KNTC1: variants seen among roughly 807,000 people sequenced by gnomAD.
KNTC1 encodes the protein kinetochore associated 1.
A neutral mutation model predicts 314.4 loss-of-function variants in KNTC1; 253 were observed. The ratio of observed to expected loss-of-function variants is 0.80; its 90% confidence interval spans 0.73 to 0.89. KNTC1 has a LOEUF of 0.89. KNTC1 is among the 40% of genes least tolerant of loss of function. The pLI, the probability that KNTC1 is intolerant of heterozygous loss-of-function variation, is 0.00. For synonymous variants in KNTC1, 901 were observed against 901.4 expected (o/e 1.00, Z 0.01); for missense variants, 2,475 against 2,572.9 (o/e 0.96, Z 0.82).
At chr12:122,584,763 G>C in intron 35 of KNTC1, 130 bp from the exon 36 acceptor site, 1 of 591,348 alleles carries the variant, frequency 1.7e-6, no homozygotes, top group Middle Eastern at 4.5e-4. Flanking sequence ...GGTAGTCAAA[G>C]CTATATGGAA....
chr12:122,562,034 C>T (rs1022324926), intron 19 of KNTC1, 60 bp downstream of exon 19: 8 of 1,507,588 alleles, frequency 5.3e-6, no homozygotes, highest in Non-Finnish European at 7.2e-6. Flanking sequence ...AATATGTTTT[C>T]CATTCAAAAT....
In KNTC1 at chr12:122,555,377, C is replaced by T. The variant is rs116759448; in HGVS notation, c.1273-2007C>T. On this transcript the variant is annotated intron_variant, in intron 16 of 63. Transcript: ENST00000333479. The stretch of plus-strand genomic sequence containing the variant: ...GACCAGCCTGGCCCACATAGCAAAA[C>T]GCTGTCTGTACTAAAAATACAAATA... Among the ~76,000 whole-genome samples the T allele has an allele frequency of 7.6e-3, 1,159 of 152,168 alleles. 10 individuals carry two copies. The highest frequency in any genetic ancestry group is 0.021 in the Middle Eastern group (6 of 292).
Position 122,584,265 on chromosome 12 carries a change from C to G in KNTC1, c.3264-13C>G. On this transcript the variant is annotated splice_polypyrimidine_tract_variant and intron_variant, in intron 34 of 63. Coordinates refer to ENST00000333479, the MANE Select transcript of KNTC1 (RefSeq NM_014708.6). ...TGAGTATTCTAACTACCAATACTTTCTTTCTTCCAAAGCGACTTGTTTAAG... is the reference window on the plus strand; with the variant it reads ...TGAGTATTCTAACTACCAATACTTTGTTTCTTCCAAAGCGACTTGTTTAAG... 1 of 1,593,936 alleles carries G rather than the reference C, an allele frequency of 6.3e-7. No homozygotes were observed. Among genetic ancestry groups the G allele is most frequent in the South Asian group, 1.1e-5 (1 of 88,806 alleles).
chr12:122,579,859 C>G (rs1303290348), intron 31 of KNTC1, 46 bp from the exon 32 acceptor site: 1 of 1,332,972 alleles, frequency 7.5e-7, no homozygotes, highest in Non-Finnish European at 1.1e-6. Context: ...CTGAAGTGGT[C>G]AGAAAAGGAA....
At chr12:122,597,607 G>C (rs1027665288) in intron 43 of KNTC1, 124 bp from the exon 44 acceptor site, 1 of 773,742 alleles carries the variant, frequency 1.3e-6, no homozygotes, top group East Asian at 2.6e-5. Context: ...GTCTGATTTT[G>C]AGACTGGACA....
intron 16 of KNTC1, among the ~76,000 whole-genome samples, chr12:122,554,094 T>C (rs1281406748): frequency 6.9e-6 from 1 of 144,744 alleles, no homozygotes; most frequent in East Asian, 2.0e-4. Context: ...TATATATATA[T>C]ATATATTTGT....
At chr12:122,625,713 T>G (rs748089215) in intron 63 of KNTC1, among the ~76,000 whole-genome samples, 20 of 152,190 alleles carry the variant, frequency 1.3e-4, no homozygotes, top group Admixed American at 9.2e-4. Context: ...TGCTGTACAT[T>G]CTTCCAAATT....
intron 31 of KNTC1, among the ~76,000 whole-genome samples, chr12:122,578,849 G>A (rs1313666622): frequency 6.6e-6 from 1 of 151,980 alleles, no homozygotes; most frequent in Non-Finnish European, 1.5e-5. Flanking sequence ...CTATGCAATA[G>A]GCATTAGGTT....
intron 55 of KNTC1, 116 bp downstream of exon 55, chr12:122,613,877 GT>G: frequency 9.0e-7 from 1 of 1,109,578 alleles, no homozygotes; most frequent in Non-Finnish European, 1.2e-6. Context: ...GTTTTGCTCT[GT>G]TGCCCAGGCT....
At chr12:122,565,404 G>A (rs1964263855) in intron 20 of KNTC1, among the ~76,000 whole-genome samples, 1 of 151,886 alleles carries the variant, frequency 6.6e-6, no homozygotes, top group African/African-American at 2.4e-5. Context: ...ACTGGCATGA[G>A]CCACCACGCC....
intron 20 of KNTC1, among the ~76,000 whole-genome samples, chr12:122,562,979 A>T (rs1964079357): frequency 6.6e-6 from 1 of 151,836 alleles, no homozygotes; most frequent in Non-Finnish European, 1.5e-5. Flanking sequence ...ACTGCACCCC[A>T]GCCTGGGCGA....
At chr12:122,625,584 C>CA (rs1170615242) in intron 63 of KNTC1, among the ~76,000 whole-genome samples, 3 of 121,386 alleles carry the variant, frequency 2.5e-5, no homozygotes, top group African/African-American at 9.0e-5. Flanking sequence ...CAAAACAAAA[C>CA]AAAACAAAAA....
chr12:122,583,850 C>T (rs768655769), intron 34 of KNTC1, among the ~76,000 whole-genome samples: 26 of 151,596 alleles, frequency 1.7e-4, no homozygotes, highest in Non-Finnish European at 2.9e-4. Context: ...AGGCTGGGCA[C>T]GGTGACTCAC....
intron 48 of KNTC1, 136 bp from the exon 49 acceptor site, chr12:122,604,428 T>A: frequency 4.5e-6 from 2 of 445,202 alleles, no homozygotes; most frequent in Non-Finnish European, 7.8e-6. Flanking sequence ...ATTACAAATA[T>A]GAGCCACTGT....
chr12:122,575,894 A>G lies in KNTC1; in HGVS notation c.2581A>G (p.Ile861Val). The G allele has an allele frequency of 6.2e-7, 1 of 1,610,788 alleles. No individual in the cohort carries two copies. The highest frequency in any genetic ancestry group is 1.7e-4 in the Middle Eastern group (1 of 6,052). ...AGAGGTAAATCTCTTAAACAAGGAA[A>G]TAATGGTAAGTACACTCTTCGAAGA... is the stretch of plus-strand genomic sequence containing the variant. ...IREVNLLNKE[I>V]MRVVRYILKQ... The change falls in exon 29 of 64, where the codon ATA becomes GTA. Residue 861 changes from isoleucine to valine, a missense_variant. Transcript: ENST00000333479.
chr12:122,575,555 G>A lies in KNTC1; in HGVS notation c.2395G>A (p.Ala799Thr). ...GCATCTTTTGTAGCTCATATTTGAT[G>A]CCGTGCTCAAGATCATGTATGCGGC... ...CLSDTDLIFD[A>T]VLKIMYAAVV... Residue 799 changes from alanine to threonine, a missense_variant, in exon 28 of 64, where the codon GCC becomes ACC. Physicochemically the swap from Ala to Thr is moderately conservative, Grantham distance 58. Coordinates refer to ENST00000333479, the MANE Select transcript of KNTC1 (RefSeq NM_014708.6). The A allele has an allele frequency of 1.3e-6, 2 of 1,589,140 alleles. No homozygotes were observed. Among genetic ancestry groups the A allele is most frequent in the Non-Finnish European group, 1.7e-6 (2 of 1,167,100 alleles).
Position 122,564,120 on chromosome 12 carries a change from G to A in KNTC1, c.1604+1421G>A, listed in dbSNP as rs527596912. Among the ~76,000 whole-genome samples the A allele has an allele frequency of 1.1e-4, 16 of 152,158 alleles. No homozygotes were observed. In the South Asian group the frequency reaches 2.3e-3, roughly 22 times the overall value. ...AGCCTCCCAAGTAACTGGGATTACA[G>A]GCACCCGCCACCACGCCTGGCTAAT... is the stretch of plus-strand genomic sequence containing the variant. On this transcript the variant is annotated intron_variant, in intron 20 of 63. Coordinates refer to ENST00000333479, the MANE Select transcript of KNTC1 (RefSeq NM_014708.6).
chr12:122,609,249 TTTATG>T (rs1872855382), intron 51 of KNTC1, 130 bp from the exon 52 acceptor site: 9 of 668,904 alleles, frequency 1.3e-5, no homozygotes, highest in Non-Finnish European at 2.4e-5. Flanking sequence ...CTTTTCATAA[TTTATG>T]TTATAATTTT....
chr12:122,577,986 G>T (rs1251824798), intron 31 of KNTC1, among the ~76,000 whole-genome samples, 195 bp downstream of exon 31: 1 of 152,160 alleles, frequency 6.6e-6, no homozygotes, highest in East Asian at 1.9e-4. Flanking sequence ...GGCTGCTTGA[G>T]CCCACAGAGA....
Sources: allele counts gnomAD v4.1 joint callset (sites outside exome capture counted in the v4.1 genomes callset), GRCh38; gene constraint gnomAD v4.1.1; transcripts MANE v1.5; gene names NCBI Gene and HGNC (gene_info 2026-07-23, HGNC 2026-07-21).